PDE8B: variants seen among roughly 807,000 people sequenced by gnomAD.
The protein encoded by PDE8B is phosphodiesterase 8B.
PDE8B carries 26 observed loss-of-function variants against 101.3 expected under a neutral mutation model. That is an observed-to-expected ratio of 0.26 (90% CI 0.19 to 0.36). The LOEUF is 0.36. Among genes scored for constraint, PDE8B ranks in the 10% least tolerant of loss-of-function variants. The pLI, the probability that PDE8B is intolerant of heterozygous loss-of-function variation, is 1.00. For missense variants in PDE8B, 810 were observed against 1,163.1 expected (o/e 0.70, Z 4.42); for synonymous variants, 424 against 429.3 (o/e 0.99, Z 0.15).
At chr5:77,418,974 A>C (rs1487392332) in intron 18 of PDE8B, among the ~76,000 whole-genome samples, 1 of 152,160 alleles carries the variant, frequency 6.6e-6, no homozygotes, top group Non-Finnish European at 1.5e-5. Flanking sequence ...AGCACCAGCC[A>C]GGCTGGTGCA....
chr5:77,153,356 A>C, the PDE8B span, among the ~76,000 whole-genome samples: 2 of 152,246 alleles, frequency 1.3e-5, no homozygotes, highest in Admixed American at 1.3e-4. Flanking sequence ...GTCTTGGCAT[A>C]TAGCAAGTGC....
intron 1 of PDE8B, among the ~76,000 whole-genome samples, chr5:77,281,201 A>G (rs1473187011): frequency 6.6e-6 from 1 of 152,142 alleles, no homozygotes; most frequent in East Asian, 1.9e-4. Flanking sequence ...GCTGGAGCTC[A>G]TTCCTGAACC....
intron 1 of PDE8B, among the ~76,000 whole-genome samples, chr5:77,296,186 T>C (rs1312839697): frequency 1.3e-5 from 2 of 152,116 alleles, no homozygotes; most frequent in Non-Finnish European, 2.9e-5. Flanking sequence ...CTTCTTTTTT[T>C]CTTCTTTCTC....
chr5:77,325,833 G>A lies in PDE8B; in HGVS notation c.590+104G>A, dbSNP rs929421620. The A allele has an allele frequency of 7.6e-5, 64 of 844,502 alleles. No individual in the cohort carries two copies. The African/African-American group carries it at 1.0e-3, about 13-fold the overall frequency. The allele number at this position is 844,502 out of a possible 1,614,324, so 52.3% of individuals were successfully genotyped here. On this transcript the variant is annotated intron_variant, in intron 3 of 21. Coordinates refer to ENST00000264917, the MANE Select transcript of PDE8B (RefSeq NM_003719.5). ...TTTATTTCAAATATTTTTAAAATAT[G>A]CGTTGATGTTTTTAAGCAGTGTATA...
At position 77,421,863 on chromosome 5, in the gene PDE8B, T is replaced by C. The variant is rs1038179687; in HGVS notation, c.2293T>C (p.Phe765Leu). 3.7e-6 allele frequency: 6 copies of C among 1,613,992 alleles called. No individual in the cohort carries two copies. Among genetic ancestry groups the C allele is most frequent in the Non-Finnish European group, 5.1e-6 (6 of 1,180,008 alleles). Residue 765 changes from phenylalanine to leucine, a missense_variant, in exon 20 of 22, where the codon TTC (phenylalanine) becomes CTC (leucine). Transcript: ENST00000264917. Reference protein sequence around the residue: ...DCECNPAGKNFPENQILIKRM... With the variant: ...DCECNPAGKNLPENQILIKRM... ...TGAATGCAACCCTGCTGGGAAGAAC[T>C]TCCCTGAAAACCAAATCCTGATCAA...
At chr5:77,249,079 C>T (rs1561413050) in intron 1 of PDE8B, among the ~76,000 whole-genome samples, 1 of 152,152 alleles carries the variant, frequency 6.6e-6, no homozygotes, top group South Asian at 2.1e-4. Context: ...CTCAAGTGTA[C>T]TAATACATGT....
the PDE8B span, chr5:77,146,693 GAAGTGCTCAGAGAGGTGC>G: frequency 1.0e-5 from 3 of 295,912 alleles, no homozygotes; most frequent in Non-Finnish European, 2.0e-5. Flanking sequence ...AGTTTTCTAG[GAAGTGCTCAGAGAGGTGC>G]AAGACCATGT....
intron 1 of PDE8B, among the ~76,000 whole-genome samples, chr5:77,264,417 C>T (rs748860079): frequency 9.9e-5 from 15 of 152,160 alleles, no homozygotes; most frequent in South Asian, 2.1e-4. Context: ...CACATTTTTG[C>T]CAACACTTGT....
chr5:77,315,544 T>G (rs1481750058), intron 2 of PDE8B, among the ~76,000 whole-genome samples: 1 of 152,226 alleles, frequency 6.6e-6, no homozygotes, highest in East Asian at 1.9e-4. Flanking sequence ...AAAAGATGTA[T>G]TCTCTATTTG....
At chr5:77,377,511 T>TA (rs1354975476) in intron 10 of PDE8B, among the ~76,000 whole-genome samples, 1 of 152,228 alleles carries the variant, frequency 6.6e-6, no homozygotes, top group Non-Finnish European at 1.5e-5. Context: ...TAATATTGTC[T>TA]CATTTGATCC....
the PDE8B span, among the ~76,000 whole-genome samples, chr5:77,161,665 A>C: frequency 6.6e-6 from 1 of 152,176 alleles, no homozygotes; most frequent in Non-Finnish European, 1.5e-5. Context: ...ACATATACAC[A>C]TAAGCATATA....
chr5:77,305,683 C>T (rs551485501), intron 1 of PDE8B, among the ~76,000 whole-genome samples: 8 of 152,254 alleles, frequency 5.3e-5, no homozygotes, highest in South Asian at 2.1e-4. Context: ...CCTTTGTTTA[C>T]CCAGAGCTCA....
chr5:77,380,872 G>C (rs965617018), intron 10 of PDE8B, among the ~76,000 whole-genome samples: 1 of 152,226 alleles, frequency 6.6e-6, no homozygotes, highest in Non-Finnish European at 1.5e-5. Context: ...ATCCGGGAAG[G>C]GTTCCCTTGG....
intron 1 of PDE8B, among the ~76,000 whole-genome samples, chr5:77,224,589 A>G (rs1751917970): frequency 6.6e-6 from 1 of 152,224 alleles, no homozygotes; most frequent in African/African-American, 2.4e-5. Context: ...CACAACCACA[A>G]TACTATTAGC....
At chr5:77,308,222 G>T (rs900450110) in intron 1 of PDE8B, among the ~76,000 whole-genome samples, 1 of 152,128 alleles carries the variant, frequency 6.6e-6, no homozygotes, top group Non-Finnish European at 1.5e-5. Flanking sequence ...ACCTCTTTTG[G>T]ACACAGAAGC....
chr5:77,192,218 G>A, the PDE8B span, among the ~76,000 whole-genome samples: 2 of 152,158 alleles, frequency 1.3e-5, no homozygotes, highest in South Asian at 4.1e-4. Context: ...TGTACAGTTT[G>A]ATGAGTTTTG....
At chr5:77,262,157 A>G (rs1321712161) in intron 1 of PDE8B, among the ~76,000 whole-genome samples, 1 of 152,070 alleles carries the variant, frequency 6.6e-6, no homozygotes, top group Admixed American at 6.5e-5. Context: ...GATCCTGCGT[A>G]TGGGAACAGG....
chr5:77,354,847 T>C (rs1006069159), intron 10 of PDE8B, among the ~76,000 whole-genome samples: 58 of 152,312 alleles, frequency 3.8e-4, no homozygotes, highest in Middle Eastern at 3.4e-3. Flanking sequence ...CTACCAGTCC[T>C]TCATGACCCA....
At chr5:77,194,903 T>G in the PDE8B span, among the ~76,000 whole-genome samples, 9 of 152,246 alleles carry the variant, frequency 5.9e-5, no homozygotes, top group Admixed American at 1.3e-4. Context: ...ATTAAACATT[T>G]AAGTACAAGT....
Sources: allele counts gnomAD v4.1 joint callset (sites outside exome capture counted in the v4.1 genomes callset), GRCh38; gene constraint gnomAD v4.1.1; transcripts MANE v1.5; gene names NCBI Gene and HGNC (gene_info 2026-07-23, HGNC 2026-07-21).